RAB21: variants seen among roughly 807,000 people sequenced by gnomAD.
RAB21 encodes ras-related protein Rab-21.
Under a neutral mutation model 33.1 loss-of-function variants are expected in RAB21, and 13 were observed. The observed-to-expected ratio is 0.39, with a 90% CI of 0.26 to 0.62. The LOEUF (loss-of-function observed/expected upper bound fraction) is 0.62, where lower values mean the gene tolerates loss of function less well. Among genes scored for constraint, RAB21 ranks in the 20% least tolerant of loss-of-function variants. RAB21 has a pLI of 0.48. For synonymous variants in RAB21, 91 were observed against 103.7 expected, an observed-to-expected ratio of 0.88 and a Z score of 0.74; for missense variants, 234 against 279.1, an observed-to-expected ratio of 0.84 and a Z score of 1.15.
At chr12:71,782,712 T>TA in intron 6 of RAB21, 54 bp downstream of exon 6, 1 of 1,229,144 alleles carries the variant, frequency 8.1e-7, no homozygotes, top group South Asian at 1.4e-5. Context: ...TTTTATTTTT[T>TA]AAAAAATAGT....
rs1422035935 is a variant in RAB21 at position 71,793,858 on chromosome 12, A to C, written c.*8185A>C. The C allele has an allele frequency of 6.6e-6, 1 of 152,220 alleles. No individual in the cohort carries two copies. The highest frequency in any genetic ancestry group is 6.5e-5 in the Admixed American group (1 of 15,288). 9.4% of individuals were successfully genotyped at this position (152,220 alleles called of 1,614,324 possible). On this transcript the variant is annotated 3_prime_UTR_variant, in exon 7 of 7. Coordinates refer to ENST00000261263, the MANE Select transcript of RAB21 (RefSeq NM_014999.4). ...TAGGCTAATAATTTACTACTTTGGTATGTTGCCTTGAGGCTGACATTTGCT... is the reference window on the plus strand; with the variant it reads ...TAGGCTAATAATTTACTACTTTGGTCTGTTGCCTTGAGGCTGACATTTGCT...
chr12:71,756,699 G>C (rs924857887), intron 1 of RAB21, among the ~76,000 whole-genome samples: 1 of 152,180 alleles, frequency 6.6e-6, no homozygotes. Context: ...GTGAGAGCCT[G>C]GTGTTTTAGA....
chr12:71,777,258 A>G (rs1396211899), intron 4 of RAB21, among the ~76,000 whole-genome samples: 2 of 152,142 alleles, frequency 1.3e-5, no homozygotes, highest in Non-Finnish European at 2.9e-5. Flanking sequence ...TACTGCATGA[A>G]TTAGTTTTGT....
intron 1 of RAB21, among the ~76,000 whole-genome samples, chr12:71,765,288 A>T (rs2137643224): frequency 6.6e-6 from 1 of 151,816 alleles, no homozygotes; most frequent in African/African-American, 2.4e-5. Context: ...TCCTTTGCCC[A>T]CTTTTTGATG....
chr12:71,777,862 T>C (rs1318812108), intron 4 of RAB21, among the ~76,000 whole-genome samples: 2 of 152,230 alleles, frequency 1.3e-5, no homozygotes, highest in Admixed American at 6.5e-5. Flanking sequence ...TATGTTCTTA[T>C]AGACCCTGTC....
chr12:71,784,413 C>G (rs759578336), intron 6 of RAB21, among the ~76,000 whole-genome samples: 94 of 152,100 alleles, frequency 6.2e-4, no homozygotes, highest in Non-Finnish European at 1.2e-3. Context: ...GATTTTTCTC[C>G]TGTGTTTTCT....
intron 2 of RAB21, among the ~76,000 whole-genome samples, chr12:71,770,203 G>A (rs1391305062): frequency 7.9e-5 from 12 of 152,068 alleles, no homozygotes; most frequent in Admixed American, 7.2e-4. Flanking sequence ...CTTGACTGGT[G>A]ATCTTGATGC....
Position 71,799,353 on chromosome 12 carries a change from AG to A in RAB21, c.*13681del, listed in dbSNP as rs1262840109. 1.3e-5 allele frequency: 2 copies of A among 152,254 alleles called. No homozygotes were observed. The highest frequency in any genetic ancestry group is 2.9e-5 in the Non-Finnish European group (2 of 68,052). The allele number at this position is 152,254 out of a possible 1,614,324, so 9.4% of individuals were successfully genotyped here. A position where few individuals can be genotyped will look rare whatever the true frequency, so the allele number is the denominator to read the frequency against. On this transcript the variant is annotated 3_prime_UTR_variant, in exon 7 of 7. Coordinates refer to ENST00000261263, the MANE Select transcript of RAB21 (RefSeq NM_014999.4). ...TATAAGCACCAAATTCCATTTAAAAAGTGCCTTCCTGTTTAAAATATCTATA... is the reference window on the plus strand; with the variant it reads ...TATAAGCACCAAATTCCATTTAAAAATGCCTTCCTGTTTAAAATATCTATA...
At chr12:71,770,083 G>A (rs753241994) in intron 2 of RAB21, among the ~76,000 whole-genome samples, 6 of 152,138 alleles carry the variant, frequency 3.9e-5, no homozygotes, top group African/African-American at 1.4e-4. Context: ...TTCAGAGAGA[G>A]GACAGGGTGG....
chr12:71,755,004 G>C lies in RAB21; in HGVS notation c.-126G>C. 2.2e-6 allele frequency: 2 copies of C among 914,462 alleles called. No individual in the cohort carries two copies. Among genetic ancestry groups the C allele is most frequent in the Non-Finnish European group, 2.6e-6 (2 of 761,262 alleles). 56.6% of individuals were successfully genotyped at this position (914,462 alleles called of 1,614,324 possible). ...CCAGGCCTCGCCCGAGGAGGGCGTG[G>C]GGACAGCGCCCGGGTCGGCGGGGCC... On this transcript the variant is annotated 5_prime_UTR_variant, in exon 1 of 7. Transcript: ENST00000261263.
At chr12:71,767,260 C>T (rs966704432) in intron 1 of RAB21, among the ~76,000 whole-genome samples, 1 of 151,978 alleles carries the variant, frequency 6.6e-6, no homozygotes, top group Non-Finnish European at 1.5e-5. Flanking sequence ...GACTTAATAC[C>T]GTCCTTTAAA....
rs543057936 is a variant in RAB21, at chr12:71,787,837, G to A, written c.*2164G>A. ...TTTCCTGTGAAGTTAGTATTTATGTGGGGGTGGGGGAAGGTAGCAAGAATC... is the reference window on the plus strand; with the variant it reads ...TTTCCTGTGAAGTTAGTATTTATGTAGGGGTGGGGGAAGGTAGCAAGAATC... On this transcript the variant is annotated 3_prime_UTR_variant, in exon 7 of 7. Coordinates refer to ENST00000261263, the MANE Select transcript of RAB21 (RefSeq NM_014999.4). The A allele has an allele frequency of 1.3e-5, 2 of 152,188 alleles. No homozygotes were observed. The highest frequency in any genetic ancestry group is 4.8e-5 in the African/African-American group (2 of 41,416). 9.4% of individuals were successfully genotyped at this position (152,188 alleles called of 1,614,324 possible). A position where few individuals can be genotyped will look rare whatever the true frequency, so the allele number is the denominator to read the frequency against.
intron 4 of RAB21, among the ~76,000 whole-genome samples, chr12:71,775,753 T>C (rs933726336): frequency 6.6e-6 from 1 of 152,138 alleles, no homozygotes; most frequent in African/African-American, 2.4e-5. Flanking sequence ...GCCAGGCTGT[T>C]CTCAAACTCC....
intron 4 of RAB21, among the ~76,000 whole-genome samples, chr12:71,779,895 C>T (rs1487311787): frequency 6.6e-6 from 1 of 152,154 alleles, no homozygotes; most frequent in Non-Finnish European, 1.5e-5. Flanking sequence ...TACTCCTTAG[C>T]TGTCTTGCTT....
intron 1 of RAB21, among the ~76,000 whole-genome samples, chr12:71,767,476 AGTT>A (rs1190090390): frequency 2.0e-5 from 3 of 152,208 alleles, no homozygotes; most frequent in Admixed American, 1.3e-4. Flanking sequence ...ATGAGTTGTA[AGTT>A]GTTGTTGTGG....
At chr12:71,774,480 T>C (rs1262810835) in intron 4 of RAB21, among the ~76,000 whole-genome samples, 1 of 148,720 alleles carries the variant, frequency 6.7e-6, no homozygotes, top group Admixed American at 6.7e-5. Context: ...AAAAATAGGC[T>C]GGGCACAGTG....
rs1425729486 is a variant in RAB21, at chr12:71,794,713, C to T, written c.*9040C>T. 6.8e-6 allele frequency: 1 copy of T among 146,186 alleles called. No individual in the cohort carries two copies. Among genetic ancestry groups the T allele is most frequent in the Non-Finnish European group, 1.5e-5 (1 of 66,652 alleles). The allele number at this position is 146,186 out of a possible 1,614,324, so 9.1% of individuals were successfully genotyped here. On this transcript the variant is annotated 3_prime_UTR_variant, in exon 7 of 7. Coordinates refer to ENST00000261263, the MANE Select transcript of RAB21 (RefSeq NM_014999.4). ...TCGGCCTCCCAAAGTGCTGGGATTA[C>T]AAGCGTGAGCCACCGAGCCCAGCTA...
Position 71,766,277 on chromosome 12 carries a change from A to G in RAB21, c.160-3523A>G, listed in dbSNP as rs572637248. Among the ~76,000 whole-genome samples, 5 of 152,288 alleles carry G rather than the reference A, an allele frequency of 3.3e-5. No homozygotes were observed. The East Asian group carries it at 5.8e-4, about 18-fold the overall frequency. ...CTTCTTCCACAAGAGTGGAAGTGTT[A>G]GAGAGCTCAGATCTCAGTCTGAGAA... On this transcript the variant is annotated intron_variant, in intron 1 of 6. Coordinates refer to ENST00000261263, the MANE Select transcript of RAB21 (RefSeq NM_014999.4).
intron 1 of RAB21, among the ~76,000 whole-genome samples, chr12:71,759,964 C>T (rs886985322): frequency 1.2e-4 from 18 of 152,076 alleles, no homozygotes; most frequent in Non-Finnish European, 1.8e-4. Context: ...CATAGACAGC[C>T]GTCATATGTA....
Sources: gnomAD v4.1 joint callset for allele counts (sites outside exome capture counted in the v4.1 genomes callset) on GRCh38, gnomAD v4.1.1 for gene constraint, MANE v1.5 for transcripts, NCBI Gene and HGNC (gene_info 2026-07-23, HGNC 2026-07-21) for gene names.